DST: variants seen among roughly 807,000 people sequenced by gnomAD.
The protein encoded by DST is dystonin.
Under a neutral mutation model 875.2 loss-of-function variants are expected in DST, and 253 were observed. That is an observed-to-expected ratio of 0.29 (90% CI 0.26 to 0.32). The LOEUF is 0.32. Among genes scored for constraint, DST ranks in the 10% least tolerant of loss-of-function variants. DST has a pLI of 1.00. For missense variants in DST, 8,287 were observed against 9,111.6 expected (o/e 0.91, Z 3.68); for synonymous variants, 3,124 against 3,197.1 (o/e 0.98, Z 0.77).
At chr6:56,753,371 C>T (rs888377483) in intron 4 of DST, among the ~76,000 whole-genome samples, 1 of 152,200 alleles carries the variant, frequency 6.6e-6, no homozygotes, top group South Asian at 2.1e-4. Context: ...AGAGCACCAA[C>T]TTCAAAGGCA....
At chr6:56,493,742 GTTC>G (rs1301649993) in intron 83 of DST, among the ~76,000 whole-genome samples, 12 of 151,820 alleles carry the variant, frequency 7.9e-5, no homozygotes, top group Non-Finnish European at 1.6e-4. Flanking sequence ...AATTTGAGTA[GTTC>G]TTAACATTTA....
intron 2 of DST, among the ~76,000 whole-genome samples, chr6:56,937,331 A>C (rs1813531284): frequency 6.6e-6 from 1 of 152,192 alleles, no homozygotes; most frequent in African/African-American, 2.4e-5. Context: ...AATAAGAAAA[A>C]AAAATCAATT....
chr6:56,944,939 C>T (rs1818676407), intron 2 of DST, among the ~76,000 whole-genome samples: 1 of 152,186 alleles, frequency 6.6e-6, no homozygotes, highest in African/African-American at 2.4e-5. Flanking sequence ...GGCTCTGCCC[C>T]TTCCCTTCCT....
rs944910206 is a variant in DST, at chr6:56,648,721, A to T, written c.1435-32T>A. The T allele has an allele frequency of 2.6e-6, 4 of 1,521,574 alleles. No individual in the cohort carries two copies. In the African/African-American group the frequency reaches 5.5e-5, roughly 21 times the overall value. 94.3% of individuals were successfully genotyped at this position (1,521,574 alleles called of 1,614,324 possible). On this transcript the variant is annotated intron_variant, in intron 12 of 103. Coordinates refer to ENST00000680361, the MANE Select transcript of DST (RefSeq NM_001374736.1). ...CAATCAAATGATAGAAAAGGTTCAC[A>T]TCTGTAGATAATAACATTCATATCT...
intron 4 of DST, among the ~76,000 whole-genome samples, chr6:56,844,729 CG>C (rs1041716487): frequency 2.6e-5 from 4 of 152,042 alleles, no homozygotes; most frequent in African/African-American, 9.7e-5. Context: ...AAAATTTAGC[CG>C]GGCGTGGTGG....
intron 66 of DST, 99 bp from the exon 67 acceptor site, chr6:56,529,024 C>T: frequency 5.1e-6 from 4 of 784,220 alleles, no homozygotes; most frequent in South Asian, 4.7e-5. Context: ...TTCACAGAGA[C>T]ATATTTGAGT....
chr6:56,952,750 A>C (rs1448380590), intron 2 of DST, among the ~76,000 whole-genome samples: 1 of 152,138 alleles, frequency 6.6e-6, no homozygotes, highest in East Asian at 1.9e-4. Flanking sequence ...CGAGGCACCG[A>C]GATGTATCAC....
rs543876906 is a variant in DST, at chr6:56,480,271, T to C, written c.21531+1779A>G. Among the ~76,000 whole-genome samples, 4 of 152,264 alleles carry C rather than the reference T, an allele frequency of 2.6e-5. No homozygotes were observed. In the East Asian group the frequency reaches 7.7e-4, roughly 29 times the overall value. On this transcript the variant is annotated intron_variant, in intron 90 of 103. Coordinates refer to ENST00000680361, the MANE Select transcript of DST (RefSeq NM_001374736.1). ...ACAGGATCCTCCTAAATGAAAAAAA[T>C]TTAAAACTCCAACATTATAAGGAAG...
chr6:56,861,993 G>A (rs1771437487), intron 3 of DST: 1 of 152,222 alleles, frequency 6.6e-6, no homozygotes, highest in Non-Finnish European at 1.5e-5. Context: ...CGTGTGGGTA[G>A]CAGCTGTTTC....
intron 4 of DST, among the ~76,000 whole-genome samples, chr6:56,821,842 TA>T (rs2153047726): frequency 6.6e-6 from 1 of 152,274 alleles, no homozygotes; most frequent in East Asian, 1.9e-4. Flanking sequence ...AGGGTTAGCT[TA>T]ACACAAAGGC....
intron 2 of DST, among the ~76,000 whole-genome samples, chr6:56,910,208 C>T (rs1321124227): frequency 6.6e-6 from 1 of 152,092 alleles, no homozygotes; most frequent in Non-Finnish European, 1.5e-5. Context: ...GCTCAGTTGC[C>T]CAGGCTAGAG....
intron 35 of DST, 48 bp from the exon 36 acceptor site, chr6:56,624,676 T>C (rs369793062): frequency 7.9e-7 from 1 of 1,260,528 alleles, no homozygotes; most frequent in Non-Finnish European, 1.2e-6. Context: ...CAGTTACTCT[T>C]ACTAAGTTGA....
rs774196676 is a variant in DST at position 56,616,996 on chromosome 6, G to A, written c.4930-2512C>T. ...CCATTTTGTCTATTATGATTCTCTC[G>A]GCCGCTGAGGCAAATGAAATCTTTT... On this transcript the variant is annotated intron_variant, in intron 36 of 103. Transcript: ENST00000680361. 28 of 1,609,434 alleles carry A rather than the reference G, an allele frequency of 1.7e-5. No homozygotes were observed. The highest frequency in any genetic ancestry group is 2.1e-5 in the Non-Finnish European group (25 of 1,177,260).
At chr6:56,750,803 G>C (rs2099584653) in intron 4 of DST, among the ~76,000 whole-genome samples, 1 of 152,112 alleles carries the variant, frequency 6.6e-6, no homozygotes. Flanking sequence ...AGCACTGATG[G>C]GAGACTCCAC....
At chr6:56,924,455 T>C (rs983099537) in intron 2 of DST, among the ~76,000 whole-genome samples, 4 of 152,250 alleles carry the variant, frequency 2.6e-5, no homozygotes, top group African/African-American at 9.6e-5. Context: ...TTTATCTGTA[T>C]GTATATACAT....
intron 61 of DST, among the ~76,000 whole-genome samples, chr6:56,549,642 A>G (rs1267880505): frequency 6.6e-6 from 1 of 152,164 alleles, no homozygotes; most frequent in Non-Finnish European, 1.5e-5. Context: ...CCCTTATCAT[A>G]TCACGGCACC....
chr6:56,517,482 T>C lies in DST; in HGVS notation c.18249+19A>G. ...ACCAGCAAATAATTCATATGGCAAT[T>C]GGAAATGTATTTCTTCACCTTTTGA... On this transcript the variant is annotated intron_variant, in intron 70 of 103. Coordinates refer to ENST00000680361, the MANE Select transcript of DST (RefSeq NM_001374736.1). 6.2e-7 allele frequency: 1 copy of C among 1,609,346 alleles called. No homozygotes were observed. The highest frequency in any genetic ancestry group is 8.5e-7 in the Non-Finnish European group (1 of 1,177,436).
chr6:56,493,140 T>C, intron 83 of DST, 51 bp from the exon 84 acceptor site: 3 of 1,537,676 alleles, frequency 2.0e-6, no homozygotes, highest in Non-Finnish European at 2.6e-6. Flanking sequence ...TTGGTTATTT[T>C]GTTTGTTTCA....
intron 4 of DST, among the ~76,000 whole-genome samples, chr6:56,796,754 C>T (rs1312786578): frequency 6.6e-6 from 1 of 150,848 alleles, no homozygotes; most frequent in Admixed American, 6.6e-5. Flanking sequence ...TTGTTATATA[C>T]TGTAGTAACG....
Sources: gnomAD v4.1 joint callset for allele counts (sites outside exome capture counted in the v4.1 genomes callset) on GRCh38, gnomAD v4.1.1 for gene constraint, MANE v1.5 for transcripts, NCBI Gene and HGNC (gene_info 2026-07-23, HGNC 2026-07-21) for gene names.